VAC14: variants seen among roughly 807,000 people sequenced by gnomAD.
The protein encoded by VAC14 is protein VAC14 homolog.
VAC14 carries 47 observed loss-of-function variants against 85.3 expected under a neutral mutation model. The ratio of observed to expected loss-of-function variants is 0.55; its 90% CI spans 0.44 to 0.70. The LOEUF (loss-of-function observed/expected upper bound fraction) is 0.70. VAC14 is among the 30% of genes least tolerant of loss of function. The pLI, the probability that VAC14 is intolerant of heterozygous loss-of-function variation, is 0.00. For missense variants in VAC14, 861 were observed against 1,004.3 expected, an observed-to-expected ratio of 0.86 and a Z score of 1.93; for synonymous variants, 447 against 430.5, an observed-to-expected ratio of 1.04 and a Z score of -0.47.
At position 70,733,016 on chromosome 16, in the gene VAC14, C is replaced by T. The variant is rs150554877; in HGVS notation, c.1529-1389G>A. On this transcript the variant is annotated intron_variant, in intron 13 of 18. Coordinates refer to ENST00000261776, the MANE Select transcript of VAC14 (RefSeq NM_018052.5). ...ATCATCCATATACCATAAGGTTAAT[C>T]CTTTTAAAGTGTGCAATTCAGTAGT... is the stretch of plus-strand genomic sequence containing the variant. Among the ~76,000 whole-genome samples the T allele has an allele frequency of 8.7e-3, 1,330 of 152,260 alleles. 14 individuals carry two copies. Among genetic ancestry groups the T allele is most frequent in the South Asian group, 0.028 (136 of 4,830 alleles).
chr16:70,778,861 C>G (rs2033657736), intron 9 of VAC14: 1 of 152,114 alleles, frequency 6.6e-6, no homozygotes, highest in Non-Finnish European at 1.5e-5. Context: ...AATTAGAAAA[C>G]AAAAATCAAA....
At chr16:70,733,856 T>A (rs1462129267) in intron 13 of VAC14, among the ~76,000 whole-genome samples, 1 of 152,230 alleles carries the variant, frequency 6.6e-6, no homozygotes, top group Non-Finnish European at 1.5e-5. Context: ...GACAGAGTCT[T>A]GCTTTGTCTC....
At chr16:70,768,572 G>A (rs74955454) in intron 10 of VAC14, 18,098 of 300,768 alleles carry the variant, frequency 0.06, 614 homozygotes, top group East Asian at 0.11. Flanking sequence ...TTTCCAGGTG[G>A]CATTCTTCCA....
intron 9 of VAC14, among the ~76,000 whole-genome samples, chr16:70,780,238 C>T (rs559076857): frequency 6.6e-6 from 1 of 152,190 alleles, no homozygotes; most frequent in East Asian, 1.9e-4. Flanking sequence ...AGCAACTTCA[C>T]TTTTTAAAGG....
Position 70,784,021 on chromosome 16 carries a change from G to A in VAC14, c.594+92C>T, listed in dbSNP as rs560721532. The A allele has an allele frequency of 4.5e-5, 45 of 996,522 alleles. No homozygotes were observed. The South Asian group carries it at 6.0e-4, about 13-fold the overall frequency. 61.7% of individuals were successfully genotyped at this position (996,522 alleles called of 1,614,324 possible). A position where few individuals can be genotyped will look rare whatever the true frequency, so the allele number is the denominator to read the frequency against. On this transcript the variant is annotated intron_variant, in intron 5 of 18. Coordinates refer to ENST00000261776, the MANE Select transcript of VAC14 (RefSeq NM_018052.5). ...TGGCTATTCAAGGGAGAACATGGAG[G>A]GTTCCTATAGCCAAAGGGCCTGACA...
At chr16:70,793,985 C>T (rs9929358) in intron 1 of VAC14, among the ~76,000 whole-genome samples, 11,599 of 152,080 alleles carry the variant, frequency 0.076, 1,432 homozygotes, top group African/African-American at 0.26. Flanking sequence ...ACTGAGCATA[C>T]AGTGGATCCA....
At position 70,781,800 on chromosome 16, in the gene VAC14, G is replaced by T. The variant is rs2033824750; in HGVS notation, c.946+69C>A. On this transcript the variant is annotated intron_variant, in intron 8 of 18. Coordinates refer to ENST00000261776, the MANE Select transcript of VAC14 (RefSeq NM_018052.5). ...CCTAAGAGAGCCCCCAGCCCCCAGTGCAGGGTCCCTCAACTTCATAATCCC... is the reference window on the plus strand; with the variant it reads ...CCTAAGAGAGCCCCCAGCCCCCAGTTCAGGGTCCCTCAACTTCATAATCCC... The T allele has an allele frequency of 2.5e-6, 4 of 1,579,526 alleles. No homozygotes were observed. The East Asian group carries it at 9.0e-5, about 36-fold the overall frequency.
chr16:70,724,541 G>C (rs942316527), intron 14 of VAC14, among the ~76,000 whole-genome samples: 2 of 152,298 alleles, frequency 1.3e-5, no homozygotes, highest in East Asian at 1.9e-4. Context: ...CTGTGTGTCA[G>C]ACTGGGCCTC....
At chr16:70,757,357 G>A (rs911554125) in intron 12 of VAC14, among the ~76,000 whole-genome samples, 18 of 152,218 alleles carry the variant, frequency 1.2e-4, no homozygotes, top group African/African-American at 3.6e-4. Flanking sequence ...TTCCGCCTGC[G>A]AGTCGGGGAA....
intron 13 of VAC14, among the ~76,000 whole-genome samples, chr16:70,743,840 G>A (rs2030599684): frequency 6.6e-6 from 1 of 152,188 alleles, no homozygotes. Context: ...GGACTGCATT[G>A]CCAGAGGGAA....
intron 14 of VAC14, chr16:70,700,333 C>A (rs187922027): frequency 1.3e-5 from 2 of 152,196 alleles, no homozygotes; most frequent in African/African-American, 2.4e-5. Flanking sequence ...GGCGGCCGCA[C>A]GAGTGAGGGC....
chr16:70,764,255 G>A (rs2032635043), intron 10 of VAC14, among the ~76,000 whole-genome samples: 1 of 152,158 alleles, frequency 6.6e-6, no homozygotes, highest in Non-Finnish European at 1.5e-5. Flanking sequence ...ACATTTCAGG[G>A]GCAAGAGTGG....
chr16:70,708,440 T>A (rs1348224359), intron 14 of VAC14, among the ~76,000 whole-genome samples: 1 of 152,070 alleles, frequency 6.6e-6, no homozygotes, highest in Non-Finnish European at 1.5e-5. Context: ...CCAAGGGGCT[T>A]CAGAGTCAGG....
At chr16:70,796,319 T>C (rs575650191) in intron 1 of VAC14, among the ~76,000 whole-genome samples, 3 of 152,330 alleles carry the variant, frequency 2.0e-5, no homozygotes, top group South Asian at 4.1e-4. Flanking sequence ...CCTGTCATCA[T>C]GATACAATCC....
intron 1 of VAC14, among the ~76,000 whole-genome samples, chr16:70,798,031 T>C (rs1254489849): frequency 6.6e-6 from 1 of 152,246 alleles, no homozygotes; most frequent in East Asian, 1.9e-4. Flanking sequence ...AAGAACAGAC[T>C]AACACAGCAC....
intron 1 of VAC14, among the ~76,000 whole-genome samples, chr16:70,792,634 T>C (rs1180131880): frequency 6.6e-6 from 1 of 152,146 alleles, no homozygotes; most frequent in Non-Finnish European, 1.5e-5. Flanking sequence ...CCACCCTCAA[T>C]GTCTCAAAGA....
At position 70,696,320 on chromosome 16, in the gene VAC14, C is replaced by T. The variant is rs568425222; in HGVS notation, c.1956-697G>A. Among the ~76,000 whole-genome samples, 25 of 152,282 alleles carry T rather than the reference C, an allele frequency of 1.6e-4. 1 individual carries two copies. In the South Asian group the frequency reaches 5.0e-3, roughly 30 times the overall value. ...TTGAGGTCAGGAGTTTGAGACTAGC[C>T]TGGCCAACATGGTGAGACCCTGTCT... is the stretch of plus-strand genomic sequence containing the variant. On this transcript the variant is annotated intron_variant, in intron 16 of 18. Coordinates refer to ENST00000261776, the MANE Select transcript of VAC14 (RefSeq NM_018052.5).
In VAC14 at chr16:70,698,706, G is replaced by A. The variant is rs2053762604; in HGVS notation, c.1767C>T (p.Leu589=). The change falls in exon 15 of 19, where the codon CTC becomes CTT. Residue 589 remains leucine, a synonymous_variant. Coordinates refer to ENST00000261776, the MANE Select transcript of VAC14 (RefSeq NM_018052.5). The part of the protein sequence containing the change: ...LKFASTMVHA[L]NTILLTSTEL... ...CTGTGGAGGTCAGCAGGATGGTGTT[G>A]AGGGCGTGGACCATGGTCGAGGCGA... 2 of 1,614,200 alleles carry A rather than the reference G, an allele frequency of 1.2e-6. No homozygotes were observed. The highest frequency in any genetic ancestry group is 8.5e-7 in the Non-Finnish European group (1 of 1,180,022).
chr16:70,768,802 AT>A (rs774404523), intron 10 of VAC14: 34 of 453,522 alleles, frequency 7.5e-5, no homozygotes, highest in African/African-American at 5.8e-4. Flanking sequence ...GTGGATGTGC[AT>A]TTTTTTGGTG....
Sources: gnomAD v4.1 joint callset for allele counts (sites outside exome capture counted in the v4.1 genomes callset) on GRCh38, gnomAD v4.1.1 for gene constraint, MANE v1.5 for transcripts, NCBI Gene and HGNC (gene_info 2026-07-23, HGNC 2026-07-21) for gene names.